Variants in CYBRD1 observed in about 807,000 individuals in gnomAD.
The protein encoded by CYBRD1 is cytochrome b reductase 1, also known as plasma membrane ascorbate-dependent reductase CYBRD1.
Under a neutral mutation model 21.9 loss-of-function variants are expected in CYBRD1, and 14 were observed. The observed-to-expected ratio is 0.64, with a 90% CI of 0.42 to 1.00. The LOEUF is 1.00. Among genes scored for constraint, CYBRD1 ranks in the 50% least tolerant of loss-of-function variants. The probability of loss-of-function intolerance (pLI) is 0.00; values close to 1 mark genes in which losing one functional copy is unlikely to be tolerated. For synonymous variants in CYBRD1, 146 were observed against 136.5 expected, an observed-to-expected ratio of 1.07 and a Z score of -0.48; for missense variants, 328 against 352.5, an observed-to-expected ratio of 0.93 and a Z score of 0.56.
In CYBRD1 at chr2:171,541,539, A is replaced by G; in HGVS notation, c.194-46A>G. 3 of 1,578,672 alleles carry G rather than the reference A, an allele frequency of 1.9e-6. No homozygotes were observed. The South Asian group carries it at 3.3e-5, about 17-fold the overall frequency. On this transcript the variant is annotated intron_variant, in intron 1 of 3. Transcript: ENST00000321348. ...TCAAACTGTTCATTTTGTGTTGTTT[A>G]AAAAACAAAACAAAACACATTCTGT...
chr2:171,523,101 T>G, intron 1 of CYBRD1: 1 of 331,372 alleles, frequency 3.0e-6, no homozygotes, highest in Non-Finnish European at 5.9e-6. Flanking sequence ...CCGGGCGCGA[T>G]GCCGGAGCGC....
Position 171,522,589 on chromosome 2 carries a change from C to A in CYBRD1, c.44C>A (p.Ser15Ter), listed in dbSNP as rs146713767. ...TGGCGCTTCCTGGCGCTGCTGGGGT[C>A]GGCACTGCTCGTCGGCTTCCTGTCG... ...GYWRFLALLG[S>*]ALLVGFLSVI... is the part of the protein sequence containing the mutation. The change falls in exon 1 of 4, where the codon TCG (serine) becomes TAG (stop). Residue 15 changes from serine (S) to a stop codon, truncating the protein, a stop_gained. Coordinates refer to ENST00000321348, the MANE Select transcript of CYBRD1 (RefSeq NM_024843.4). LOFTEE classifies it high-confidence loss of function. The surrounding 1 kb of genome is among the most constrained non-coding windows in gnomAD (Gnocchi z 4.3). 1.2e-6 allele frequency: 2 copies of A among 1,611,586 alleles called. No homozygotes were observed. Among genetic ancestry groups the A allele is most frequent in the Non-Finnish European group, 1.7e-6 (2 of 1,179,250 alleles).
chr2:171,532,875 A>ATGTG (rs10618404), intron 1 of CYBRD1, among the ~76,000 whole-genome samples: 13,607 of 147,314 alleles, frequency 0.092, 819 homozygotes, highest in East Asian at 0.36. Context: ...CCATTTCACG[A>ATGTG]TGTGTGTGTG....
chr2:171,524,899 T>C (rs956027302), intron 1 of CYBRD1, among the ~76,000 whole-genome samples: 3 of 152,190 alleles, frequency 2.0e-5, no homozygotes, highest in Non-Finnish European at 2.9e-5. Flanking sequence ...TGTGTAAATT[T>C]TGGCAATTTT....
chr2:171,539,585 C>T (rs1697598200), intron 1 of CYBRD1, among the ~76,000 whole-genome samples: 1 of 152,186 alleles, frequency 6.6e-6, no homozygotes, highest in Admixed American at 6.5e-5. Flanking sequence ...TCTAAATTTT[C>T]CCTGACACAG....
Position 171,555,218 on chromosome 2 carries a change from C to G in CYBRD1, c.*391C>G. ...TGTTAATTCTGGGAGACAATGATTT[C>G]ACAACTAGCGGGAAGCAGTCCTAAA... is the stretch of plus-strand genomic sequence containing the variant. On this transcript the variant is annotated 3_prime_UTR_variant, in exon 4 of 4. Coordinates refer to ENST00000321348, the MANE Select transcript of CYBRD1 (RefSeq NM_024843.4). The G allele has an allele frequency of 3.6e-6, 1 of 274,926 alleles. No homozygotes were observed. The highest frequency in any genetic ancestry group is 4.1e-5 in the South Asian group (1 of 24,218). The allele number at this position is 274,926 out of a possible 1,614,324, so 17.0% of individuals were successfully genotyped here. A position where few individuals can be genotyped will look rare whatever the true frequency, so the allele number is the denominator to read the frequency against.
chr2:171,542,414 C>T (rs1574439960), intron 2 of CYBRD1, among the ~76,000 whole-genome samples: 2 of 151,828 alleles, frequency 1.3e-5, no homozygotes, highest in African/African-American at 4.8e-5. Context: ...TTTTCGAAGG[C>T]CGAGGTGGGA....
intron 2 of CYBRD1, among the ~76,000 whole-genome samples, chr2:171,551,350 A>G (rs1307114092): frequency 6.6e-6 from 1 of 152,204 alleles, no homozygotes; most frequent in Admixed American, 6.5e-5. Flanking sequence ...GAATATTCTG[A>G]ACCACCAAGA....
At position 171,556,269 on chromosome 2, in the gene CYBRD1, T is replaced by G. The variant is rs529586782; in HGVS notation, c.*1442T>G. 7.2e-5 allele frequency: 11 copies of G among 152,220 alleles called. No individual in the cohort carries two copies. Among genetic ancestry groups the G allele is most frequent in the Non-Finnish European group, 1.5e-4 (10 of 68,036 alleles). 9.4% of individuals were successfully genotyped at this position (152,220 alleles called of 1,614,324 possible). On this transcript the variant is annotated 3_prime_UTR_variant, in exon 4 of 4. Transcript: ENST00000321348. ...ACCTGTCTCATGGTCTGCCCTTCCCTGGGGCAATAGCTAGGGTCTTTCCTG... is the reference window on the plus strand; with the variant it reads ...ACCTGTCTCATGGTCTGCCCTTCCCGGGGGCAATAGCTAGGGTCTTTCCTG...
chr2:171,532,958 CAA>C (rs1320354245), intron 1 of CYBRD1, among the ~76,000 whole-genome samples: 1 of 150,334 alleles, frequency 6.7e-6, no homozygotes, highest in Non-Finnish European at 1.5e-5. Context: ...TTTTAATTGT[CAA>C]GTCTCTAAAT....
intron 2 of CYBRD1, among the ~76,000 whole-genome samples, chr2:171,546,821 G>A (rs1697723234): frequency 6.6e-6 from 1 of 152,114 alleles, no homozygotes; most frequent in Admixed American, 6.5e-5. Context: ...CTTCTAGGTG[G>A]ATGGAATAGC....
rs1010925936 is a variant in CYBRD1 at position 171,555,569 on chromosome 2, A to T, written c.*742A>T. 6.6e-6 allele frequency: 1 copy of T among 152,272 alleles called. No individual in the cohort carries two copies. Among genetic ancestry groups the T allele is most frequent in the Non-Finnish European group, 1.5e-5 (1 of 68,108 alleles). The allele number at this position is 152,272 out of a possible 1,614,324, so 9.4% of individuals were successfully genotyped here. A position where few individuals can be genotyped will look rare whatever the true frequency, so the allele number is the denominator to read the frequency against. On this transcript the variant is annotated 3_prime_UTR_variant, in exon 4 of 4. Transcript: ENST00000321348. ...CCAGATGCTAAACTTCTTAGAATGAAAATATGCTTCAACACTTAAGTAGCA... is the reference window on the plus strand; with the variant it reads ...CCAGATGCTAAACTTCTTAGAATGATAATATGCTTCAACACTTAAGTAGCA...
intron 1 of CYBRD1, among the ~76,000 whole-genome samples, chr2:171,538,721 A>G (rs1396488344): frequency 6.6e-6 from 1 of 152,154 alleles, no homozygotes; most frequent in Non-Finnish European, 1.5e-5. Context: ...CGGTCTTTGT[A>G]GGTTTAGATG....
Position 171,555,679 on chromosome 2 carries a change from C to T in CYBRD1, c.*852C>T, listed in dbSNP as rs1683473326. 1 of 152,266 alleles carries T rather than the reference C, an allele frequency of 6.6e-6. No individual in the cohort carries two copies. Among genetic ancestry groups the T allele is most frequent in the Non-Finnish European group, 1.5e-5 (1 of 68,092 alleles). The allele number at this position is 152,266 out of a possible 1,614,324, so 9.4% of individuals were successfully genotyped here. On this transcript the variant is annotated 3_prime_UTR_variant, in exon 4 of 4. Transcript: ENST00000321348. ...AAGTACTCACACAGCACTTACTATG[C>T]TCCAAACACTCCTCTAAGCACTTTA...
chr2:171,536,995 T>C (rs1462678860), intron 1 of CYBRD1, among the ~76,000 whole-genome samples: 1 of 152,178 alleles, frequency 6.6e-6, no homozygotes, highest in African/African-American at 2.4e-5. Flanking sequence ...AAACCATGAA[T>C]TGAGGAGGGA....
In CYBRD1 at chr2:171,528,708, G is replaced by A. The variant is rs541780096; in HGVS notation, c.193+5970G>A. Among the ~76,000 whole-genome samples the A allele has an allele frequency of 1.1e-3, 171 of 152,222 alleles. 1 individual carries two copies. Among genetic ancestry groups the A allele is most frequent in the African/African-American group, 3.9e-3 (164 of 41,538 alleles). On this transcript the variant is annotated intron_variant, in intron 1 of 3. Coordinates refer to ENST00000321348, the MANE Select transcript of CYBRD1 (RefSeq NM_024843.4). ...CCCTGAACTCCAAATCCAAATATCT[G>A]TTTGCCTACTCAAACTCTCTACTTG... is the stretch of plus-strand genomic sequence containing the variant.
chr2:171,530,712 C>A (rs933738644), intron 1 of CYBRD1, among the ~76,000 whole-genome samples: 2 of 152,122 alleles, frequency 1.3e-5, no homozygotes, highest in Non-Finnish European at 2.9e-5. Context: ...AGTAAACCAG[C>A]CACAAAAACA....
Position 171,554,650 on chromosome 2 carries a change from G to A in CYBRD1, c.684G>A (p.Lys228=). 1.9e-6 allele frequency: 3 copies of A among 1,614,050 alleles called. No homozygotes were observed. The highest frequency in any genetic ancestry group is 2.2e-5 in the East Asian group (1 of 44,880). Residue 228 remains lysine, a synonymous_variant, in exon 4 of 4, where the codon AAG becomes AAA. Coordinates refer to ENST00000321348, the MANE Select transcript of CYBRD1 (RefSeq NM_024843.4). The stretch of plus-strand genomic sequence containing the variant: ...CCAGACCGCAATGGAAACGTCCTAA[G>A]GAGCCAAATTCTACCATTCTTCATC... ...IVTRPQWKRP[K]EPNSTILHPN... is the part of the protein sequence containing the mutation.
rs1683494028 is a variant in CYBRD1 at position 171,556,704 on chromosome 2, T to A, written c.*1877T>A. ...TCTCTACTAAATTCTATTTCCAAAATTGGTAATAGAGCCAGAAGGATCCCC... is the reference window on the plus strand; with the variant it reads ...TCTCTACTAAATTCTATTTCCAAAAATGGTAATAGAGCCAGAAGGATCCCC... On this transcript the variant is annotated 3_prime_UTR_variant, in exon 4 of 4. Transcript: ENST00000321348. 6.6e-6 allele frequency: 1 copy of A among 152,176 alleles called. No individual in the cohort carries two copies. The highest frequency in any genetic ancestry group is 6.6e-5 in the Admixed American group (1 of 15,254). 9.4% of individuals were successfully genotyped at this position (152,176 alleles called of 1,614,324 possible).
Sources: gnomAD v4.1 joint callset for allele counts (sites outside exome capture counted in the v4.1 genomes callset) on GRCh38, gnomAD v4.1.1 for gene constraint, Gnocchi (gnomAD v3.1) non-coding constraint, MANE v1.5 for transcripts, NCBI Gene and HGNC (gene_info 2026-07-23, HGNC 2026-07-21) for gene names.